Variants in ATP6V1F observed in about 807,000 individuals in gnomAD.
ATP6V1F encodes the protein ATPase H+ transporting V1 subunit F.
In ATP6V1F, 4 loss-of-function variants were observed where a neutral mutation model predicts 6.6. The observed-to-expected ratio is 0.60, with a 90% CI of 0.30 to 1.38. The LOEUF is 1.38. ATP6V1F is among the 40% of genes most tolerant of loss of function. The pLI is 0.08. For missense variants in ATP6V1F, 136 were observed against 165.5 expected (o/e 0.82, Z 0.98); for synonymous variants, 68 against 66.9 (o/e 1.02, Z -0.08).
chr7:128,864,035 A>G (rs1163928144), intron 1 of ATP6V1F, among the ~76,000 whole-genome samples: 2 of 152,184 alleles, frequency 1.3e-5, no homozygotes, highest in Admixed American at 1.3e-4. Context: ...TCAGTAAGTA[A>G]TTTTTAATCA....
In ATP6V1F at chr7:128,862,874, G is replaced by T. The variant is rs770085359; in HGVS notation, c.-31G>T. 2.6e-6 allele frequency: 4 copies of T among 1,535,958 alleles called. No individual in the cohort carries two copies. The Admixed American group carries it at 6.5e-5, about 25-fold the overall frequency. ...AGGCGGGGTTTCAGTGGCTTCTGGT[G>T]CTCTAGGGTGAGCTCTGCCCGGCTG... On this transcript the variant is annotated 5_prime_UTR_variant, in exon 1 of 2. Coordinates refer to ENST00000249289, the MANE Select transcript of ATP6V1F (RefSeq NM_004231.4).
Position 128,865,450 on chromosome 7 carries a change from C to T in ATP6V1F, c.232C>T (p.Leu78=), listed in dbSNP as rs1809371222. 6.2e-7 allele frequency: 1 copy of T among 1,614,204 alleles called. No individual in the cohort carries two copies. The highest frequency in any genetic ancestry group is 2.2e-5 in the East Asian group (1 of 44,888). The stretch of plus-strand genomic sequence containing the variant: ...CATCGCAGAGATGGTGCGGCATGCC[C>T]TGGACGCCCACCAGCAGTCCATCCC... ...QYIAEMVRHA[L]DAHQQSIPAV... The change falls in exon 2 of 2, where the codon CTG becomes TTG. Residue 78 remains leucine (L), a synonymous_variant. Transcript: ENST00000249289. This position sits in a 1 kb window ranked among gnomAD's most constrained non-coding sequence, Gnocchi z 4.4.
chr7:128,864,807 G>T (rs1299531534), intron 1 of ATP6V1F: 14 of 291,954 alleles, frequency 4.8e-5, no homozygotes, highest in East Asian at 1.6e-4. Flanking sequence ...TATATATATA[G>T]ATAGATAGAT....
intron 1 of ATP6V1F, among the ~76,000 whole-genome samples, chr7:128,864,433 T>C (rs1053791010): frequency 1.3e-5 from 2 of 152,202 alleles, no homozygotes; most frequent in African/African-American, 4.8e-5. Flanking sequence ...GCAGAAAGTG[T>C]GATTCCTTCA....
rs1442251720 is a variant in ATP6V1F at position 128,865,644 on chromosome 7, T to C, written c.*66T>C. ...CCTCTCCCCAGGCTTGCCATCAGCC[T>C]TCTTTACTTTTTGAGCCTCTGATTT... On this transcript the variant is annotated 3_prime_UTR_variant, in exon 2 of 2. Coordinates refer to ENST00000249289, the MANE Select transcript of ATP6V1F (RefSeq NM_004231.4). The surrounding 1 kb of genome is among the most constrained non-coding windows in gnomAD (Gnocchi z 4.4). The C allele has an allele frequency of 6.7e-7, 1 of 1,487,216 alleles. No individual in the cohort carries two copies. The highest frequency in any genetic ancestry group is 1.4e-5 in the African/African-American group (1 of 71,112). 92.1% of individuals were successfully genotyped at this position (1,487,216 alleles called of 1,614,324 possible). A position where few individuals can be genotyped will look rare whatever the true frequency, so the allele number is the denominator to read the frequency against.
rs770540857 is a variant in ATP6V1F at position 128,865,448 on chromosome 7, C to T, written c.230C>T (p.Ala77Val). 6 of 1,614,182 alleles carry T rather than the reference C, an allele frequency of 3.7e-6. No individual in the cohort carries two copies. The highest frequency in any genetic ancestry group is 5.1e-6 in the Non-Finnish European group (6 of 1,180,038). ...NQYIAEMVRH[A>V]LDAHQQSIPA... ...TACATCGCAGAGATGGTGCGGCATG[C>T]CCTGGACGCCCACCAGCAGTCCATC... The change falls in exon 2 of 2, where the codon GCC (alanine) becomes GTC (valine). Residue 77 changes from alanine to valine, a missense_variant. Physicochemically the swap from Ala to Val is moderately conservative, Grantham distance 64. Coordinates refer to ENST00000249289, the MANE Select transcript of ATP6V1F (RefSeq NM_004231.4). The surrounding 1 kb of genome is among the most constrained non-coding windows in gnomAD (Gnocchi z 4.4).
At position 128,865,428 on chromosome 7, in the gene ATP6V1F, C is replaced by A. The variant is rs140145433; in HGVS notation, c.210C>A (p.Ile70=). Residue 70 remains isoleucine (I), a synonymous_variant, in exon 2 of 2, where the codon ATC becomes ATA. Transcript: ENST00000249289. This position sits in a 1 kb window ranked among gnomAD's most constrained non-coding sequence, Gnocchi z 4.4. ...GCATCATCCTCATCAACCAGTACATCGCAGAGATGGTGCGGCATGCCCTGG... is the reference window on the plus strand; with the variant it reads ...GCATCATCCTCATCAACCAGTACATAGCAGAGATGGTGCGGCATGCCCTGG... ...DIGIILINQY[I]AEMVRHALDA... is the part of the protein sequence containing the mutation. 3 of 1,614,196 alleles carry A rather than the reference C, an allele frequency of 1.9e-6. No homozygotes were observed. Among genetic ancestry groups the A allele is most frequent in the Non-Finnish European group, 2.5e-6 (3 of 1,180,038 alleles).
In ATP6V1F at chr7:128,865,377, G is replaced by T; in HGVS notation, c.159G>T (p.Arg53=). 2 of 1,614,044 alleles carry T rather than the reference G, an allele frequency of 1.2e-6. No individual in the cohort carries two copies. Among genetic ancestry groups the T allele is most frequent in the Non-Finnish European group, 1.7e-6 (2 of 1,180,012 alleles). Residue 53 remains arginine, a splice_region_variant and synonymous_variant, in exon 2 of 2, where the codon CGG becomes CGT. Transcript: ENST00000249289. The surrounding 1 kb of genome is among the most constrained non-coding windows in gnomAD (Gnocchi z 4.4). The part of the protein sequence containing the change: ...TTINEIEDTF[R]QFLNRDDIGI... ...ACTCCCTTCTCATCTCTCCCCACAG[G>T]CAATTTCTAAACCGGGATGACATTG...
chr7:128,865,793 G>GT lies in ATP6V1F; in HGVS notation c.*217dup. The GT allele has an allele frequency of 8.5e-6, 5 of 588,134 alleles. No individual in the cohort carries two copies. The highest frequency in any genetic ancestry group is 1.2e-5 in the Non-Finnish European group (4 of 331,996). 36.4% of individuals were successfully genotyped at this position (588,134 alleles called of 1,614,324 possible). On this transcript the variant is annotated 3_prime_UTR_variant, in exon 2 of 2. Coordinates refer to ENST00000249289, the MANE Select transcript of ATP6V1F (RefSeq NM_004231.4). The surrounding 1 kb of genome is among the most constrained non-coding windows in gnomAD (Gnocchi z 4.4). The stretch of plus-strand genomic sequence containing the variant: ...CCCTCCACTACCTCTTCCCTGTGCT[G>GT]TTACACAGTGTCATTGTTGATGTTA...
chr7:128,864,614 T>C (rs1245125965), intron 1 of ATP6V1F, among the ~76,000 whole-genome samples: 6 of 151,542 alleles, frequency 4.0e-5, no homozygotes, highest in Non-Finnish European at 7.4e-5. Flanking sequence ...TTTTTTTTTT[T>C]TCTGAGACAG....
At position 128,865,731 on chromosome 7, in the gene ATP6V1F, G is replaced by A; in HGVS notation, c.*153G>A. 1 of 784,432 alleles carries A rather than the reference G, an allele frequency of 1.3e-6. No homozygotes were observed. The highest frequency in any genetic ancestry group is 2.0e-6 in the Non-Finnish European group (1 of 503,598). The allele number at this position is 784,432 out of a possible 1,614,324, so 48.6% of individuals were successfully genotyped here. ...AGGTGAGGCGCTTCTAGGTTGCTGG[G>A]GCTCTGCTGGTTAAGGAACAGGAAG... On this transcript the variant is annotated 3_prime_UTR_variant, in exon 2 of 2. Transcript: ENST00000249289. This position sits in a 1 kb window ranked among gnomAD's most constrained non-coding sequence, Gnocchi z 4.4.
In ATP6V1F at chr7:128,865,260, TG is replaced by T. The variant is rs1809364745; in HGVS notation, c.159-114del. The T allele has an allele frequency of 3.8e-6, 6 of 1,560,112 alleles. No individual in the cohort carries two copies. The East Asian group carries it at 1.2e-4, about 31-fold the overall frequency. ...CTTTCCCCTTGTCCTCTGTGCCCTC[TG>T]GGTCATGCTCATTCCCCTCCACAGC... On this transcript the variant is annotated intron_variant, in intron 1 of 1. Transcript: ENST00000249289. The surrounding 1 kb of genome is among the most constrained non-coding windows in gnomAD (Gnocchi z 4.4).
rs1809359907 is a variant in ATP6V1F at position 128,865,089 on chromosome 7, A to G, written c.159-288A>G. On this transcript the variant is annotated intron_variant, in intron 1 of 1. Transcript: ENST00000249289. The surrounding 1 kb of genome is among the most constrained non-coding windows in gnomAD (Gnocchi z 4.4). ...CACATCACTGCATATTGAATACACC[A>G]GTGTGCACCCTAATCAATCTTCATT... 1.3e-6 allele frequency: 2 copies of G among 1,493,812 alleles called. No homozygotes were observed. Among genetic ancestry groups the G allele is most frequent in the African/African-American group, 2.8e-5 (2 of 72,158 alleles). 92.5% of individuals were successfully genotyped at this position (1,493,812 alleles called of 1,614,324 possible). A position where few individuals can be genotyped will look rare whatever the true frequency, so the allele number is the denominator to read the frequency against.
rs1563008945 is a variant in ATP6V1F, at chr7:128,865,581, G to C, written c.*3G>C. ...TCACTGCCGAAGACCTGCGCTAGGG[G>C]ACTCCTCATAGCCCTCAGCCCTTCC... On this transcript the variant is annotated 3_prime_UTR_variant, in exon 2 of 2. Coordinates refer to ENST00000249289, the MANE Select transcript of ATP6V1F (RefSeq NM_004231.4). This position sits in a 1 kb window ranked among gnomAD's most constrained non-coding sequence, Gnocchi z 4.4. 1.2e-6 allele frequency: 2 copies of C among 1,612,776 alleles called. No homozygotes were observed. The highest frequency in any genetic ancestry group is 1.1e-5 in the South Asian group (1 of 90,878).
At chr7:128,863,105 G>A (rs1259177640) in intron 1 of ATP6V1F, 43 bp downstream of exon 1, 2 of 1,587,592 alleles carry the variant, frequency 1.3e-6, no homozygotes, top group Middle Eastern at 1.7e-4. Context: ...TCTGCTGCTC[G>A]GTGGAGTGCG....
intron 1 of ATP6V1F, 58 bp downstream of exon 1, chr7:128,863,120 G>T: frequency 6.4e-7 from 1 of 1,562,652 alleles, no homozygotes; most frequent in Non-Finnish European, 8.6e-7. Context: ...AGTGCGGGGC[G>T]AGGCTGGAGG....
intron 1 of ATP6V1F, among the ~76,000 whole-genome samples, chr7:128,864,674 C>G (rs1809346407): frequency 6.6e-6 from 1 of 150,588 alleles, no homozygotes; most frequent in Non-Finnish European, 1.5e-5. Flanking sequence ...GATCGCAGCT[C>G]ACTGCGGCCT....
In ATP6V1F at chr7:128,865,035, A is replaced by G; in HGVS notation, c.159-342A>G. 1 of 1,145,328 alleles carries G rather than the reference A, an allele frequency of 8.7e-7. No homozygotes were observed. The highest frequency in any genetic ancestry group is 1.3e-6 in the Non-Finnish European group (1 of 791,694). 70.9% of individuals were successfully genotyped at this position (1,145,328 alleles called of 1,614,324 possible). ...TCTGCACATAAAAAGGGATCTGCAT[A>G]CATATAATCTTATCCTTCCCCTTTC... is the stretch of plus-strand genomic sequence containing the variant. On this transcript the variant is annotated intron_variant, in intron 1 of 1. Coordinates refer to ENST00000249289, the MANE Select transcript of ATP6V1F (RefSeq NM_004231.4). The surrounding 1 kb of genome is among the most constrained non-coding windows in gnomAD (Gnocchi z 4.4).
Position 128,865,549 on chromosome 7 carries a change from G to T in ATP6V1F, c.331G>T (p.Gly111Cys). 1 of 1,613,974 alleles carries T rather than the reference G, an allele frequency of 6.2e-7. No individual in the cohort carries two copies. The highest frequency in any genetic ancestry group is 1.7e-5 in the Admixed American group (1 of 60,014). Residue 111 changes from glycine to cysteine, a missense_variant, in exon 2 of 2, where the codon GGC becomes TGC. Physicochemically the swap from Gly to Cys is radical, Grantham distance 159. Transcript: ENST00000249289. This position sits in a 1 kb window ranked among gnomAD's most constrained non-coding sequence, Gnocchi z 4.4. ...GGACTCCATCCTGCGCAGGGCCAGG[G>T]GCATGTTCACTGCCGAAGACCTGCG... ...AKDSILRRARGMFTAEDLR is the reference protein window; with the variant it reads ...AKDSILRRARCMFTAEDLR
Sources: allele counts gnomAD v4.1 joint callset (sites outside exome capture counted in the v4.1 genomes callset), GRCh38; gene constraint gnomAD v4.1.1; non-coding constraint Gnocchi (gnomAD v3.1); transcripts MANE v1.5; gene names NCBI Gene and HGNC (gene_info 2026-07-23, HGNC 2026-07-21).